The following KIAA1958 variants were observed in gnomAD, a reference collection of about 807,000 sequenced individuals.
KIAA1958 encodes uncharacterized protein KIAA1958.
KIAA1958 carries 14 observed loss-of-function variants against 47.2 expected under a neutral mutation model. That is an observed-to-expected ratio of 0.30 (90% CI 0.20 to 0.46). The LOEUF (loss-of-function observed/expected upper bound fraction) is 0.46, where lower values mean the gene tolerates loss of function less well. Among genes scored for constraint, KIAA1958 ranks in the 20% least tolerant of loss-of-function variants. The pLI is 1.00. For synonymous variants in KIAA1958, 354 were observed against 353.3 expected (o/e 1.00, Z -0.02); for missense variants, 803 against 909.2 (o/e 0.88, Z 1.50).
intron 1 of KIAA1958, among the ~76,000 whole-genome samples, chr9:112,492,372 C>T (rs1477012583): frequency 6.6e-6 from 1 of 152,184 alleles, no homozygotes; most frequent in Non-Finnish European, 1.5e-5. Context: ...AGGGCACACA[C>T]ATATGACTTC....
intron 1 of KIAA1958, among the ~76,000 whole-genome samples, chr9:112,539,535 G>A (rs1165093338): frequency 6.6e-6 from 1 of 152,092 alleles, no homozygotes; most frequent in Non-Finnish European, 1.5e-5. Context: ...TTGGGAGGGG[G>A]TAATTAGGTA....
chr9:112,648,221 C>T (rs1204289306), intron 3 of KIAA1958, among the ~76,000 whole-genome samples: 1 of 152,160 alleles, frequency 6.6e-6, no homozygotes, highest in African/African-American at 2.4e-5. Context: ...CCTGTGACTG[C>T]TCCAGCTTAC....
chr9:112,639,345 C>T (rs1161596378), intron 2 of KIAA1958, among the ~76,000 whole-genome samples: 1 of 152,208 alleles, frequency 6.6e-6, no homozygotes, highest in Non-Finnish European at 1.5e-5. Flanking sequence ...CTTATCAGCT[C>T]AACCTATAAT....
chr9:112,634,970 A>G (rs530253836), intron 2 of KIAA1958, among the ~76,000 whole-genome samples: 1 of 151,646 alleles, frequency 6.6e-6, no homozygotes, highest in South Asian at 2.1e-4. Context: ...TTTTTTGTTT[A>G]TGATGTGAGG....
intron 1 of KIAA1958, among the ~76,000 whole-genome samples, chr9:112,551,208 C>T (rs1470834890): frequency 6.6e-6 from 1 of 152,126 alleles, no homozygotes; most frequent in East Asian, 1.9e-4. Context: ...TGTCATCCAT[C>T]TCCAGAACTT....
At chr9:112,601,060 T>C (rs1836122522) in intron 2 of KIAA1958, among the ~76,000 whole-genome samples, 1 of 152,210 alleles carries the variant, frequency 6.6e-6, no homozygotes. Flanking sequence ...CTGGAACCTT[T>C]AACCATTGGC....
chr9:112,555,337 G>A (rs932823694), intron 1 of KIAA1958, among the ~76,000 whole-genome samples: 2 of 152,164 alleles, frequency 1.3e-5, no homozygotes, highest in African/African-American at 4.8e-5. Context: ...GATCCCATGA[G>A]CAGAGGCCAG....
intron 2 of KIAA1958, among the ~76,000 whole-genome samples, chr9:112,624,179 A>G (rs1016162564): frequency 2.1e-4 from 32 of 152,340 alleles, no homozygotes; most frequent in African/African-American, 7.5e-4. Context: ...AAGTACTGAA[A>G]GAATTAGCAA....
intron 1 of KIAA1958, among the ~76,000 whole-genome samples, chr9:112,523,123 C>A (rs1834578226): frequency 6.6e-6 from 1 of 152,142 alleles, no homozygotes; most frequent in African/African-American, 2.4e-5. Context: ...TTCTTGTTTG[C>A]ACTTATGATT....
intron 1 of KIAA1958, among the ~76,000 whole-genome samples, chr9:112,510,557 T>G (rs188002366): frequency 6.6e-6 from 1 of 152,350 alleles, no homozygotes; most frequent in Admixed American, 6.5e-5. Context: ...CCCTCTTTTC[T>G]TTTACGGGTT....
intron 2 of KIAA1958, among the ~76,000 whole-genome samples, chr9:112,606,058 G>A (rs1282613715): frequency 1.3e-5 from 2 of 152,176 alleles, no homozygotes; most frequent in Non-Finnish European, 1.5e-5. Flanking sequence ...ACATGTATCA[G>A]TTACTCAGTC....
chr9:112,659,827 A>G lies in KIAA1958; in HGVS notation c.1909A>G (p.Met637Val). The change falls in exon 4 of 4, where the codon ATG becomes GTG. Residue 637 changes from methionine to valine, a missense_variant. Around this residue, in one of 2 missense-constraint regions of KIAA1958, gnomAD observed 761 missense variants for 829.3 expected, o/e 0.92. Coordinates refer to ENST00000337530, the MANE Select transcript of KIAA1958 (RefSeq NM_133465.4). ...CCCTTACTGCCTCCTCTACAAGTAC[A>G]TGTACATCCACCGGCCGCCCACCCA... ...QCPYCLLYKY[M>V]YIHRPPTQME... The G allele has an allele frequency of 6.2e-7, 1 of 1,614,012 alleles. No individual in the cohort carries two copies. The highest frequency in any genetic ancestry group is 8.5e-7 in the Non-Finnish European group (1 of 1,179,956).
chr9:112,492,829 AG>A (rs1253182942), intron 1 of KIAA1958, among the ~76,000 whole-genome samples: 1 of 151,976 alleles, frequency 6.6e-6, no homozygotes, highest in Non-Finnish European at 1.5e-5. Flanking sequence ...AGCTCACTGC[AG>A]CCTCGACCTC....
chr9:112,496,562 G>T (rs1834054953), intron 1 of KIAA1958, among the ~76,000 whole-genome samples: 2 of 152,150 alleles, frequency 1.3e-5, no homozygotes, highest in South Asian at 4.1e-4. Flanking sequence ...TTTTCCGAGT[G>T]TATGTTTCAA....
intron 3 of KIAA1958, among the ~76,000 whole-genome samples, chr9:112,654,800 T>G (rs1466396086): frequency 6.6e-6 from 1 of 152,230 alleles, no homozygotes; most frequent in Non-Finnish European, 1.5e-5. Flanking sequence ...GTTTTTCTTA[T>G]AGTTTGCATA....
At chr9:112,606,368 G>A (rs1588037057) in intron 2 of KIAA1958, among the ~76,000 whole-genome samples, 2 of 152,092 alleles carry the variant, frequency 1.3e-5, no homozygotes, top group Middle Eastern at 3.4e-3. Flanking sequence ...TACCTGATCT[G>A]CTTAGAAAAA....
At chr9:112,596,376 A>T (rs1012010331) in intron 2 of KIAA1958, among the ~76,000 whole-genome samples, 1 of 152,142 alleles carries the variant, frequency 6.6e-6, no homozygotes, top group Non-Finnish European at 1.5e-5. Flanking sequence ...ATTAAGATTT[A>T]TGTTACAGGT....
intron 2 of KIAA1958, among the ~76,000 whole-genome samples, chr9:112,604,862 ATTGAC>A (rs1196931999): frequency 1.3e-5 from 2 of 149,964 alleles, no homozygotes; most frequent in Non-Finnish European, 1.5e-5. Context: ...GTGAAAAATA[ATTGAC>A]TTAACAGGGC....
Position 112,524,352 on chromosome 9 carries a change from G to C in KIAA1958, c.-25+37234G>C, listed in dbSNP as rs897990030. Among the ~76,000 whole-genome samples the C allele has an allele frequency of 1.5e-4, 23 of 152,362 alleles. No homozygotes were observed. In the South Asian group the frequency reaches 4.8e-3, roughly 32 times the overall value. ...CCATTTACAAATTCATGGCTTTGGC[G>C]TGCTCCGCGCTTGAAGGGGGTCTAG... On this transcript the variant is annotated intron_variant, in intron 1 of 3. Transcript: ENST00000337530.
Sources: allele counts gnomAD v4.1 joint callset (sites outside exome capture counted in the v4.1 genomes callset), GRCh38; gene constraint gnomAD v4.1.1; regional missense constraint gnomAD v4.1.1; transcripts MANE v1.5; gene names NCBI Gene and HGNC (gene_info 2026-07-23, HGNC 2026-07-21).